MANBA: variants seen among roughly 807,000 people sequenced by gnomAD.
The protein encoded by MANBA is mannosidase beta, also known as beta-mannosidase.
Under a neutral mutation model 111.1 loss-of-function variants are expected in MANBA, and 83 were observed. The ratio of observed to expected loss-of-function variants is 0.75; its 90% confidence interval spans 0.63 to 0.90. MANBA has a LOEUF of 0.90. Ranked by LOEUF, MANBA falls within the 40% of genes least tolerant of loss-of-function variation. The pLI is 0.00. For missense variants in MANBA, 1,036 were observed against 1,069.0 expected (o/e 0.97, Z 0.43); for synonymous variants, 370 against 378.7 (o/e 0.98, Z 0.27).
chr4:102,680,466 T>C (rs574702979), intron 7 of MANBA, among the ~76,000 whole-genome samples: 5 of 152,304 alleles, frequency 3.3e-5, no homozygotes, highest in African/African-American at 1.2e-4. Context: ...TCAAAATTTT[T>C]CTACTGTGGC....
chr4:102,671,290 T>G lies in MANBA; in HGVS notation c.1221A>C (p.Leu407=), dbSNP rs746919371. The G allele has an allele frequency of 6.4e-7, 1 of 1,557,712 alleles. No individual in the cohort carries two copies. The highest frequency in any genetic ancestry group is 2.2e-5 in the East Asian group (1 of 44,522). ...QDEFYELCDE[L]GIMVWQDFMF... is the part of the protein sequence containing the mutation. ...GCTATCAACTTCTCACCATTATTCC[T>G]AGTTCATCACAGAGTTCATAGAATT... Residue 407 remains leucine (L), a synonymous_variant, in exon 9 of 17, where the codon CTA becomes CTC. Transcript: ENST00000647097.
At position 102,657,748 on chromosome 4, in the gene MANBA, G is replaced by A. The variant is rs768544666; in HGVS notation, c.1638C>T (p.Phe546=). Residue 546 remains phenylalanine, a synonymous_variant, in exon 12 of 17, where the codon TTC becomes TTT. Coordinates refer to ENST00000647097, the MANE Select transcript of MANBA (RefSeq NM_005908.4). ...ATTCAGATGCAAATCGAGCTTTTGG[G>A]AAAACTTTCCAGTTCCAGCAATCAC... ...YISDCWNWKV[F]PKARFASEYG... 9 of 1,613,750 alleles carry A rather than the reference G, an allele frequency of 5.6e-6. No homozygotes were observed. The highest frequency in any genetic ancestry group is 7.6e-6 in the Non-Finnish European group (9 of 1,179,842).
intron 1 of MANBA, among the ~76,000 whole-genome samples, chr4:102,742,676 A>T (rs1723446501): frequency 6.6e-6 from 1 of 152,218 alleles, no homozygotes; most frequent in South Asian, 2.1e-4. Flanking sequence ...GTGGATTACC[A>T]TGATGGTGGA....
At chr4:102,642,659 T>C (rs1729933291) in intron 13 of MANBA, among the ~76,000 whole-genome samples, 1 of 152,156 alleles carries the variant, frequency 6.6e-6, no homozygotes, top group African/African-American at 2.4e-5. Flanking sequence ...TTGATTACAC[T>C]TATGAAATGA....
intron 5 of MANBA, among the ~76,000 whole-genome samples, chr4:102,699,571 T>C (rs1732913125): frequency 6.6e-6 from 1 of 150,646 alleles, no homozygotes; most frequent in Admixed American, 6.6e-5. Flanking sequence ...GCATGAAGGG[T>C]TGTTGAATTT....
At chr4:102,642,021 C>G (rs1405592678) in intron 13 of MANBA, among the ~76,000 whole-genome samples, 1 of 151,866 alleles carries the variant, frequency 6.6e-6, no homozygotes, top group Non-Finnish European at 1.5e-5. Context: ...TAACATGGAC[C>G]TGAATCTATC....
intron 12 of MANBA, among the ~76,000 whole-genome samples, chr4:102,657,450 A>T (rs1340851301): frequency 6.6e-6 from 1 of 152,232 alleles, no homozygotes; most frequent in African/African-American, 2.4e-5. Flanking sequence ...GTCAGGCTTA[A>T]GCAACCACTG....
intron 7 of MANBA, among the ~76,000 whole-genome samples, chr4:102,679,263 T>C (rs1026743961): frequency 6.6e-6 from 1 of 152,148 alleles, no homozygotes; most frequent in East Asian, 1.9e-4. Flanking sequence ...TTATGCATCC[T>C]TGTAGCCAGA....
At chr4:102,726,849 G>A (rs765838084) in intron 1 of MANBA, among the ~76,000 whole-genome samples, 166 bp from the exon 2 acceptor site, 10 of 152,204 alleles carry the variant, frequency 6.6e-5, no homozygotes, top group Non-Finnish European at 1.3e-4. Flanking sequence ...ACTGAAAAAT[G>A]TGAAGGGAAA....
intron 7 of MANBA, among the ~76,000 whole-genome samples, chr4:102,679,896 T>C (rs1212924923): frequency 2.0e-5 from 3 of 151,998 alleles, no homozygotes; most frequent in African/African-American, 4.8e-5. Context: ...TTGACTTTCA[T>C]TCAAACAATT....
intron 1 of MANBA, among the ~76,000 whole-genome samples, chr4:102,759,525 G>A (rs1724154515): frequency 6.7e-6 from 1 of 149,162 alleles, no homozygotes; most frequent in Non-Finnish European, 1.5e-5. Context: ...AATGGTCAAT[G>A]TCATTTACAA....
intron 13 of MANBA, among the ~76,000 whole-genome samples, chr4:102,645,212 CAT>C (rs1450861398): frequency 1.3e-5 from 2 of 152,024 alleles, no homozygotes; most frequent in African/African-American, 2.4e-5. Context: ...ATATTTCCCA[CAT>C]AGTTATGCTA....
At chr4:102,721,289 A>T (rs1272994238) in intron 4 of MANBA, among the ~76,000 whole-genome samples, 1 of 152,168 alleles carries the variant, frequency 6.6e-6, no homozygotes, top group Non-Finnish European at 1.5e-5. Context: ...TCGCTACTGC[A>T]CTCTAGCTTG....
chr4:102,754,540 T>C (rs1428232357), intron 1 of MANBA, among the ~76,000 whole-genome samples: 1 of 152,012 alleles, frequency 6.6e-6, no homozygotes, highest in Admixed American at 6.5e-5. Flanking sequence ...AAAGAGTTGT[T>C]ATTTATTTTA....
intron 1 of MANBA, chr4:102,730,466 T>C (rs1722991083): frequency 1.9e-6 from 1 of 515,234 alleles, no homozygotes; most frequent in Non-Finnish European, 3.8e-6. Flanking sequence ...TCAGCTGCAC[T>C]GCGGGGGCGG....
At chr4:102,639,892 T>G (rs1308694904) in intron 13 of MANBA, 35 bp from the exon 14 acceptor site, 1 of 1,612,210 alleles carries the variant, frequency 6.2e-7, no homozygotes, top group African/African-American at 1.3e-5. Context: ...CAGGTGTTAT[T>G]GTTTGATGTA....
Position 102,639,736 on chromosome 4 carries a change from T to C in MANBA, c.1991A>G (p.Gln664Arg), listed in dbSNP as rs1729781974. ...ACCAAGAGAAGCCCAGGAAGGAGCT[T>C]GCCAGATGTCATTCAACTGCCAATA... ...ALYWQLNDIW[Q>R]APSWASLEYG... Residue 664 changes from glutamine (Q) to arginine (R), a missense_variant, in exon 14 of 17, where the codon CAA (glutamine) becomes CGA (arginine). By Grantham distance (43) the Gln-to-Arg change is conservative. Coordinates refer to ENST00000647097, the MANE Select transcript of MANBA (RefSeq NM_005908.4). 1 of 1,614,176 alleles carries C rather than the reference T, an allele frequency of 6.2e-7. No homozygotes were observed. Among genetic ancestry groups the C allele is most frequent in the South Asian group, 1.1e-5 (1 of 91,080 alleles).
rs76080811 is a variant in MANBA, at chr4:102,726,404, A to G, written c.272+185T>C. On this transcript the variant is annotated intron_variant, in intron 2 of 16. Transcript: ENST00000647097. ...TCATATACAAAACAAAACATAAATA[A>G]TATATTCACTTTTATAGTACAAGGC... 0.03 allele frequency among the ~76,000 whole-genome samples: 4,529 copies of G among 152,190 alleles called. 204 individuals carry two copies. The highest frequency in any genetic ancestry group is 0.099 in the African/African-American group (4,120 of 41,488).
rs112212241 is a variant in MANBA, at chr4:102,737,729, G to A, written c.178-11046C>T. Among the ~76,000 whole-genome samples, 217 of 152,194 alleles carry A rather than the reference G, an allele frequency of 1.4e-3. No individual in the cohort carries two copies. The Middle Eastern group carries it at 0.017, about 12-fold the overall frequency. On this transcript the variant is annotated intron_variant, in intron 1 of 16. Coordinates refer to ENST00000647097, the MANE Select transcript of MANBA (RefSeq NM_005908.4). Reference sequence around the variant, plus strand: ...GATCTCCTGACCTCGTGATCCGCCCGCCTCGGCCTCCCAAACTGCTGGGAT... The same window carrying A: ...GATCTCCTGACCTCGTGATCCGCCCACCTCGGCCTCCCAAACTGCTGGGAT...
Sources: allele counts gnomAD v4.1 joint callset (sites outside exome capture counted in the v4.1 genomes callset), GRCh38; gene constraint gnomAD v4.1.1; transcripts MANE v1.5; gene names NCBI Gene and HGNC (gene_info 2026-07-23, HGNC 2026-07-21).